The following CTNND2 variants were observed in gnomAD, a reference collection of about 807,000 sequenced individuals.
CTNND2 encodes the protein catenin delta-2.
A neutral mutation model predicts 144.4 loss-of-function variants in CTNND2; 22 were observed. The ratio of observed to expected loss-of-function variants is 0.15; its 90% CI spans 0.11 to 0.22. The LOEUF is 0.22. CTNND2 is among the 10% of genes least tolerant of loss of function. The pLI is 1.00. For synonymous variants in CTNND2, 751 were observed against 695.6 expected (o/e 1.08, Z -1.25); for missense variants, 1,353 against 1,618.8 (o/e 0.84, Z 2.82).
chr5:11,152,750 C>T (rs1010715218), intron 12 of CTNND2, among the ~76,000 whole-genome samples: 2 of 152,118 alleles, frequency 1.3e-5, no homozygotes, highest in Admixed American at 1.3e-4. Flanking sequence ...GAACTCTGTC[C>T]CCTCCCATCG....
At chr5:11,691,289 T>G (rs1159355937) in intron 2 of CTNND2, among the ~76,000 whole-genome samples, 1 of 151,760 alleles carries the variant, frequency 6.6e-6, no homozygotes, top group African/African-American at 2.4e-5. Context: ...AAGAATGGCG[T>G]GAACCCAGGA....
intron 11 of CTNND2, among the ~76,000 whole-genome samples, chr5:11,179,279 C>T (rs113916259): frequency 0.02 from 2,978 of 150,766 alleles, 52 homozygotes; most frequent in Admixed American, 0.05. Context: ...GGTGACAGAG[C>T]GAGACTCCAT....
intron 10 of CTNND2, among the ~76,000 whole-genome samples, chr5:11,223,563 AG>A (rs1413554576): frequency 1.3e-5 from 2 of 152,184 alleles, no homozygotes; most frequent in Non-Finnish European, 2.9e-5. Context: ...TACTGCCCCT[AG>A]AGAGATTAGC....
chr5:11,610,021 TTTG>T (rs1438297384), intron 2 of CTNND2, among the ~76,000 whole-genome samples: 2 of 152,232 alleles, frequency 1.3e-5, no homozygotes, highest in African/African-American at 4.8e-5. Flanking sequence ...AGTCCTAGTA[TTTG>T]TTATGTTGAT....
intron 14 of CTNND2, among the ~76,000 whole-genome samples, chr5:11,103,597 G>A (rs552869200): frequency 4.3e-4 from 66 of 152,188 alleles, no homozygotes; most frequent in African/African-American, 9.9e-4. Context: ...TTGAATCCAG[G>A]AGGTGGAGTT....
chr5:11,744,989 G>A (rs1291912654), intron 1 of CTNND2, among the ~76,000 whole-genome samples: 1 of 151,954 alleles, frequency 6.6e-6, no homozygotes, highest in Non-Finnish European at 1.5e-5. Context: ...ACCCACCTCG[G>A]CCAAAGTACT....
intron 9 of CTNND2, among the ~76,000 whole-genome samples, chr5:11,312,170 TCATCCCCCACACTCCCCATAC>T (rs1751034474): frequency 6.8e-5 from 4 of 58,810 alleles, no homozygotes; most frequent in Non-Finnish European, 1.0e-4. Flanking sequence ...CCATACACCG[TCATCCCCCACACTCCCCATAC>T]TCACCCCACA....
chr5:11,110,326 G>A (rs952951143), intron 14 of CTNND2, among the ~76,000 whole-genome samples: 2 of 152,154 alleles, frequency 1.3e-5, no homozygotes, highest in African/African-American at 4.8e-5. Context: ...TGTTCCCCAC[G>A]GCCAAGCTTC....
chr5:11,118,575 T>C (rs532090328), intron 12 of CTNND2, among the ~76,000 whole-genome samples: 1 of 152,190 alleles, frequency 6.6e-6, no homozygotes, highest in African/African-American at 2.4e-5. Flanking sequence ...ATAACTTGCA[T>C]ATCCTTGGTG....
intron 2 of CTNND2, among the ~76,000 whole-genome samples, chr5:11,617,377 A>G (rs1780628919): frequency 6.6e-6 from 1 of 152,078 alleles, no homozygotes; most frequent in Non-Finnish European, 1.5e-5. Flanking sequence ...ATCTAACACT[A>G]TTTGATATCA....
intron 9 of CTNND2, among the ~76,000 whole-genome samples, chr5:11,328,864 T>C (rs1752799790): frequency 6.6e-6 from 1 of 152,218 alleles, no homozygotes; most frequent in South Asian, 2.1e-4. Context: ...GGCTCCAGAC[T>C]GAGCCTCTTG....
chr5:11,889,107 A>T (rs1368414405), intron 1 of CTNND2, among the ~76,000 whole-genome samples: 1 of 152,118 alleles, frequency 6.6e-6, no homozygotes, highest in East Asian at 1.9e-4. Context: ...TTGGTAAATA[A>T]TCAGATGAAG....
At chr5:11,308,451 A>G (rs1750479153) in intron 9 of CTNND2, among the ~76,000 whole-genome samples, 1 of 152,074 alleles carries the variant, frequency 6.6e-6, no homozygotes, top group Non-Finnish European at 1.5e-5. Context: ...TTTATTTACA[A>G]AAAAAACAAC....
chr5:11,020,692 T>C (rs1638362), intron 17 of CTNND2, among the ~76,000 whole-genome samples: 63,559 of 151,954 alleles, frequency 0.42, 14,143 homozygotes, highest in Non-Finnish European at 0.5. Context: ...AGGATAAATG[T>C]AGTTATAAAA....
At chr5:11,644,445 C>A (rs939948677) in intron 2 of CTNND2, among the ~76,000 whole-genome samples, 1 of 152,084 alleles carries the variant, frequency 6.6e-6, no homozygotes, top group African/African-American at 2.4e-5. Flanking sequence ...GAGGCCAAGA[C>A]GGGTGGATCA....
chr5:11,110,394 T>C (rs1245063105), intron 14 of CTNND2, among the ~76,000 whole-genome samples: 2 of 152,170 alleles, frequency 1.3e-5, no homozygotes, highest in Admixed American at 1.3e-4. Context: ...CAATGGAAAG[T>C]GTGAGACTGA....
chr5:11,804,735 CAG>C (rs1356217852), intron 1 of CTNND2, among the ~76,000 whole-genome samples: 1 of 152,092 alleles, frequency 6.6e-6, no homozygotes, highest in Non-Finnish European at 1.5e-5. Flanking sequence ...AGGTGAAACA[CAG>C]GGCAATTTTT....
At chr5:11,281,375 G>A (rs553475027) in intron 9 of CTNND2, among the ~76,000 whole-genome samples, 1 of 152,304 alleles carries the variant, frequency 6.6e-6, no homozygotes, top group Admixed American at 6.5e-5. Flanking sequence ...CCTCACGAGA[G>A]GTGTTAGTGC....
chr5:11,336,784 A>C (rs1753771154), intron 9 of CTNND2, among the ~76,000 whole-genome samples: 1 of 152,222 alleles, frequency 6.6e-6, no homozygotes, highest in South Asian at 2.1e-4. Flanking sequence ...GTATATCTAC[A>C]TATAATTTAT....
Sources: allele counts gnomAD v4.1 joint callset (sites outside exome capture counted in the v4.1 genomes callset), GRCh38; gene constraint gnomAD v4.1.1; transcripts MANE v1.5; gene names NCBI Gene and HGNC (gene_info 2026-07-23, HGNC 2026-07-21).